Variants in THADA observed in about 807,000 individuals in gnomAD.
THADA encodes tRNA (32-2'-O)-methyltransferase regulator THADA.
In THADA, 213 loss-of-function variants were observed where a neutral mutation model predicts 219.8. The ratio of observed to expected loss-of-function variants is 0.97; its 90% CI spans 0.87 to 1.09. The LOEUF is 1.09. Ranked by LOEUF, THADA falls within the 50% of genes least tolerant of loss-of-function variation. The pLI is 0.00. For synonymous variants in THADA, 1,018 were observed against 828.9 expected, an observed-to-expected ratio of 1.23 and a Z score of -3.92; for missense variants, 2,956 against 2,311.3, an observed-to-expected ratio of 1.28 and a Z score of -5.72.
intron 16 of THADA, among the ~76,000 whole-genome samples, chr2:43,557,235 T>C (rs781051863): frequency 2.2e-4 from 33 of 152,254 alleles, no homozygotes; most frequent in Admixed American, 1.3e-3. Context: ...ATAATTTCAA[T>C]TGGGAAATTC....
intron 31 of THADA, among the ~76,000 whole-genome samples, chr2:43,306,881 CTT>C (rs1676926030): frequency 6.6e-6 from 1 of 152,188 alleles, no homozygotes; most frequent in Non-Finnish European, 1.5e-5. Flanking sequence ...AGTTTTATCT[CTT>C]GATAGCTGCT....
At chr2:43,419,114 T>C (rs989333156) in intron 28 of THADA, among the ~76,000 whole-genome samples, 5 of 152,158 alleles carry the variant, frequency 3.3e-5, no homozygotes, top group Admixed American at 2.6e-4. Flanking sequence ...GGCCTCCACA[T>C]CTTCTCTTGC....
At chr2:43,465,414 ACAG>A (rs1179030195) in intron 26 of THADA, among the ~76,000 whole-genome samples, 3 of 152,188 alleles carry the variant, frequency 2.0e-5, no homozygotes, top group African/African-American at 7.2e-5. Flanking sequence ...AGAGTCTCAC[ACAG>A]CTCTCCTTAG....
At chr2:43,568,411 G>T (rs190200265) in intron 14 of THADA, among the ~76,000 whole-genome samples, 1 of 152,162 alleles carries the variant, frequency 6.6e-6, no homozygotes, top group Admixed American at 6.5e-5. Flanking sequence ...ATGGTGTGAC[G>T]ATTATAACAA....
chr2:43,269,192 C>T (rs1438321234), intron 36 of THADA, among the ~76,000 whole-genome samples: 2 of 152,232 alleles, frequency 1.3e-5, no homozygotes, highest in Non-Finnish European at 2.9e-5. Context: ...CACCCTGCAG[C>T]CGCGTCAGCA....
At chr2:43,452,763 C>G (rs1437337108) in intron 26 of THADA, among the ~76,000 whole-genome samples, 1 of 152,202 alleles carries the variant, frequency 6.6e-6, no homozygotes, top group East Asian at 1.9e-4. Context: ...GCCAGCTAAA[C>G]TGATCTTTTA....
chr2:43,245,085 A>C (rs1211133626), intron 36 of THADA, among the ~76,000 whole-genome samples: 2 of 151,098 alleles, frequency 1.3e-5, no homozygotes, highest in Admixed American at 1.3e-4. Context: ...ACCAGCCTGG[A>C]TCTTGAAACT....
chr2:43,592,398 A>G lies in THADA; in HGVS notation c.-6T>C, dbSNP rs1258685188. ...TTCTTCTTCTTTACACCCATTTTAA[A>G]TAGAATTAATAGTAGTCACTGCAAG... is the stretch of plus-strand genomic sequence containing the variant. On this transcript the variant is annotated 5_prime_UTR_variant, in exon 2 of 38. Transcript: ENST00000405975. The G allele has an allele frequency of 6.3e-7, 1 of 1,578,922 alleles. No homozygotes were observed. The highest frequency in any genetic ancestry group is 1.2e-5 in the South Asian group (1 of 86,888).
rs370938864 is a variant in THADA at position 43,556,467 on chromosome 2, A to G, written c.2552T>C (p.Leu851Pro). 78 of 1,613,966 alleles carry G rather than the reference A, an allele frequency of 4.8e-5. No homozygotes were observed. Among genetic ancestry groups the G allele is most frequent in the Non-Finnish European group, 6.4e-5 (76 of 1,179,860 alleles). The change falls in exon 17 of 38, where the codon CTG (leucine) becomes CCG (proline). Residue 851 changes from leucine to proline, a missense_variant. Transcript: ENST00000405975. Reference protein sequence around the residue: ...KPYDCVTASYLLNFLIWQDAL... With the variant: ...KPYDCVTASYPLNFLIWQDAL... The stretch of plus-strand genomic sequence containing the variant: ...ATCCTGCCAGATTAAGAAGTTCAGC[A>G]GGTAGGAAGCTGTCACACAGTCGTA...
chr2:43,293,304 G>T, intron 31 of THADA, 91 bp from the exon 32 acceptor site: 2 of 1,406,850 alleles, frequency 1.4e-6, no homozygotes, highest in Non-Finnish European at 1.9e-6. Flanking sequence ...TCCACTGCGT[G>T]AGGCCATCAG....
At chr2:43,423,599 A>AT (rs1342439200) in intron 28 of THADA, among the ~76,000 whole-genome samples, 1 of 151,780 alleles carries the variant, frequency 6.6e-6, no homozygotes, top group Non-Finnish European at 1.5e-5. Context: ...TGCCCGGCTA[A>AT]TTTTTTGTAT....
At chr2:43,455,219 A>G (rs1682839215) in intron 26 of THADA, among the ~76,000 whole-genome samples, 1 of 151,870 alleles carries the variant, frequency 6.6e-6, no homozygotes, top group African/African-American at 2.4e-5. Context: ...ATGTACTGAA[A>G]TTTTTACTTG....
intron 33 of THADA, 85 bp from the exon 34 acceptor site, chr2:43,291,853 C>A (rs1674768800): frequency 2.4e-6 from 3 of 1,232,402 alleles, no homozygotes; most frequent in South Asian, 3.0e-5. Flanking sequence ...AGTCTGTAAT[C>A]CATGCAGAGG....
intron 29 of THADA, among the ~76,000 whole-genome samples, chr2:43,389,886 G>A (rs949538285): frequency 1.3e-5 from 2 of 152,098 alleles, no homozygotes; most frequent in East Asian, 1.9e-4. Flanking sequence ...ATGTAGCCAC[G>A]TATTTCTGTG....
intron 31 of THADA, among the ~76,000 whole-genome samples, chr2:43,305,303 C>T (rs1245725657): frequency 2.6e-5 from 4 of 152,140 alleles, no homozygotes; most frequent in African/African-American, 9.7e-5. Context: ...CTTGACCCTC[C>T]CAGTAAACTG....
intron 22 of THADA, among the ~76,000 whole-genome samples, chr2:43,521,057 AAGGAAGGGAAGGAT>A (rs773158054): frequency 4.5e-5 from 6 of 133,986 alleles, no homozygotes; most frequent in Admixed American, 1.5e-4. Flanking sequence ...GAAGGAAGAG[AAGGAAGGGAAGGAT>A]AGGAAGGGAA....
intron 4 of THADA, among the ~76,000 whole-genome samples, chr2:43,590,537 G>A (rs1701441210): frequency 6.6e-6 from 1 of 151,466 alleles, no homozygotes; most frequent in South Asian, 2.1e-4. Context: ...TTAGCCGGGT[G>A]TGGTGGCTGA....
chr2:43,484,267 C>T (rs1282061809), intron 26 of THADA: 1 of 166,286 alleles, frequency 6.0e-6, no homozygotes, highest in Non-Finnish European at 1.5e-5. Context: ...ATCACTAGTA[C>T]ATCACAAAAT....
At chr2:43,413,023 C>A (rs557071043) in intron 28 of THADA, among the ~76,000 whole-genome samples, 116 of 152,108 alleles carry the variant, frequency 7.6e-4, no homozygotes, top group Non-Finnish European at 3.4e-4. Context: ...AAAGAGACAT[C>A]TTTTGGTCAG....
Sources: gnomAD v4.1 joint callset for allele counts (sites outside exome capture counted in the v4.1 genomes callset) on GRCh38, gnomAD v4.1.1 for gene constraint, MANE v1.5 for transcripts, NCBI Gene and HGNC (gene_info 2026-07-23, HGNC 2026-07-21) for gene names.